Variants in LRRC28 observed in about 807,000 individuals in gnomAD.
LRRC28 encodes the protein leucine-rich repeat-containing protein 28.
LRRC28 carries 39 observed loss-of-function variants against 45.7 expected under a neutral mutation model. The ratio of observed to expected loss-of-function variants is 0.85; its 90% CI spans 0.66 to 1.12. LRRC28 has a LOEUF of 1.12. Among genes scored for constraint, LRRC28 ranks in the 50% most tolerant of loss-of-function variants. The pLI, the probability that LRRC28 is intolerant of heterozygous loss-of-function variation, is 0.00. For missense variants in LRRC28, 435 were observed against 438.5 expected, an observed-to-expected ratio of 0.99 and a Z score of 0.07; for synonymous variants, 206 against 178.8, an observed-to-expected ratio of 1.15 and a Z score of -1.22.
intron 7 of LRRC28, among the ~76,000 whole-genome samples, chr15:99,359,367 T>C (rs1442900306): frequency 6.6e-6 from 1 of 152,174 alleles, no homozygotes; most frequent in Non-Finnish European, 1.5e-5. Flanking sequence ...TTTAATTTAA[T>C]AGAAAATGAG....
chr15:99,381,880 G>C (rs1957837232), intron 9 of LRRC28, among the ~76,000 whole-genome samples: 1 of 152,226 alleles, frequency 6.6e-6, no homozygotes, highest in Admixed American at 6.5e-5. Context: ...CTGCCTGATT[G>C]TTCCTCTGGA....
chr15:99,255,737 C>A (rs755373783), intron 1 of LRRC28, among the ~76,000 whole-genome samples, 161 bp from the exon 2 acceptor site: 28 of 152,032 alleles, frequency 1.8e-4, no homozygotes, highest in African/African-American at 2.4e-5. Context: ...TAATCTCCTC[C>A]TAAATATGTG....
In LRRC28 at chr15:99,387,177, C is replaced by T. The variant is rs1221616142; in HGVS notation, c.*1075C>T. The T allele has an allele frequency of 6.8e-6, 1 of 147,014 alleles. No homozygotes were observed. The highest frequency in any genetic ancestry group is 1.5e-5 in the Non-Finnish European group (1 of 66,458). The allele number at this position is 147,014 out of a possible 1,614,324, so 9.1% of individuals were successfully genotyped here. On this transcript the variant is annotated 3_prime_UTR_variant, in exon 10 of 10. Transcript: ENST00000301981. ...CCGGGTTCACGCCATTCTCCTGCCT[C>T]AGCCTCCCAAGTAGCTGGGACCACA...
intron 2 of LRRC28, among the ~76,000 whole-genome samples, chr15:99,269,896 A>G (rs1287222637): frequency 6.6e-6 from 1 of 152,196 alleles, no homozygotes; most frequent in Non-Finnish European, 1.5e-5. Context: ...AGACAAAGGT[A>G]ATGGTAACTA....
Position 99,253,160 on chromosome 15 carries a change from G to C in LRRC28, c.-61+1619G>C, listed in dbSNP as rs146308261. 1.2e-3 allele frequency among the ~76,000 whole-genome samples: 184 copies of C among 151,428 alleles called. 1 individual carries two copies. The highest frequency in any genetic ancestry group is 2.1e-3 in the Non-Finnish European group (142 of 67,932). Reference sequence around the variant, plus strand: ...TTTTAAGACTGAGTCTCGCTCTGTCGCTCAGGTTGGAGTGCAGTGGTGCGA... The same window carrying C: ...TTTTAAGACTGAGTCTCGCTCTGTCCCTCAGGTTGGAGTGCAGTGGTGCGA... On this transcript the variant is annotated intron_variant, in intron 1 of 9. Transcript: ENST00000301981.
At chr15:99,323,458 GTTAAC>G (rs367831811) in intron 5 of LRRC28, among the ~76,000 whole-genome samples, 3 of 152,294 alleles carry the variant, frequency 2.0e-5, no homozygotes, top group Non-Finnish European at 2.9e-5. Context: ...GATAATTGCA[GTTAAC>G]TTAAGTGTGT....
At chr15:99,309,388 G>GT (rs1416696361) in intron 5 of LRRC28, among the ~76,000 whole-genome samples, 8 of 142,984 alleles carry the variant, frequency 5.6e-5, no homozygotes, top group African/African-American at 2.1e-4. Context: ...TTTGTGTGTG[G>GT]CATATAACTG....
chr15:99,362,427 G>A (rs570350312), intron 8 of LRRC28, among the ~76,000 whole-genome samples: 1 of 152,276 alleles, frequency 6.6e-6, no homozygotes, highest in Non-Finnish European at 1.5e-5. Context: ...GCATGACCAT[G>A]CCTCTTTCTG....
At chr15:99,312,893 C>T (rs1010115038) in intron 5 of LRRC28, among the ~76,000 whole-genome samples, 10 of 152,002 alleles carry the variant, frequency 6.6e-5, no homozygotes, top group Admixed American at 1.3e-4. Flanking sequence ...AGACATGAGG[C>T]GTAATTTTAA....
intron 2 of LRRC28, among the ~76,000 whole-genome samples, chr15:99,275,419 A>C (rs2081591508): frequency 6.6e-6 from 1 of 152,198 alleles, no homozygotes; most frequent in African/African-American, 2.4e-5. Flanking sequence ...CCCTTGGACC[A>C]CATGAGCTCC....
intron 9 of LRRC28, among the ~76,000 whole-genome samples, chr15:99,367,996 A>G (rs972800399): frequency 4.6e-5 from 7 of 152,136 alleles, no homozygotes; most frequent in African/African-American, 1.2e-4. Context: ...CAGTTGTCTC[A>G]TTAGCATATG....
At position 99,352,440 on chromosome 15, in the gene LRRC28, T is replaced by C; in HGVS notation, c.664T>C (p.Tyr222His). The C allele has an allele frequency of 6.2e-7, 1 of 1,614,052 alleles. No homozygotes were observed. Among genetic ancestry groups the C allele is most frequent in the Non-Finnish European group, 8.5e-7 (1 of 1,179,966 alleles). Residue 222 changes from tyrosine to histidine, a missense_variant, in exon 7 of 10, where the codon TAT (tyrosine) becomes CAT (histidine). Coordinates refer to ENST00000301981, the MANE Select transcript of LRRC28 (RefSeq NM_144598.5). ...CATTCACCTGAAAGGCTTGCCATCT[T>C]ATCTGTACAATAAAGTCATCGGGTG... is the stretch of plus-strand genomic sequence containing the variant. ...NNIHLKGLPS[Y>H]LYNKVIGCSG... is the part of the protein sequence containing the mutation.
chr15:99,259,007 G>A, intron 2 of LRRC28: 1 of 785,124 alleles, frequency 1.3e-6, no homozygotes, highest in Non-Finnish European at 2.3e-6. Flanking sequence ...GAAGAAACTT[G>A]TTCATAAAAC....
At chr15:99,296,880 T>C (rs994373793) in intron 5 of LRRC28, among the ~76,000 whole-genome samples, 4 of 152,028 alleles carry the variant, frequency 2.6e-5, no homozygotes, top group Non-Finnish European at 5.9e-5. Flanking sequence ...AAGTATTGAG[T>C]GTGTTATTGT....
chr15:99,373,967 A>G (rs1459788809), intron 9 of LRRC28, among the ~76,000 whole-genome samples: 1 of 152,170 alleles, frequency 6.6e-6, no homozygotes, highest in East Asian at 1.9e-4. Context: ...TCTATCTCTT[A>G]GTCAATAGCA....
chr15:99,291,768 A>T (rs568094714), intron 5 of LRRC28, among the ~76,000 whole-genome samples: 2 of 152,348 alleles, frequency 1.3e-5, no homozygotes, highest in South Asian at 4.1e-4. Context: ...CAAAGTGGTT[A>T]TGCCATTTTA....
intron 2 of LRRC28, among the ~76,000 whole-genome samples, chr15:99,268,262 A>G (rs2081383330): frequency 6.6e-6 from 1 of 152,206 alleles, no homozygotes. Flanking sequence ...ATAAAAGTCT[A>G]GCTTAATAGA....
chr15:99,337,885 T>C (rs756713939), intron 6 of LRRC28: 1 of 152,384 alleles, frequency 6.6e-6, no homozygotes, highest in South Asian at 2.1e-4. Context: ...AGGATGATGA[T>C]GATGATGATG....
intron 5 of LRRC28, among the ~76,000 whole-genome samples, chr15:99,294,770 T>A (rs943915389): frequency 6.6e-6 from 1 of 152,222 alleles, no homozygotes; most frequent in African/African-American, 2.4e-5. Flanking sequence ...TTTCAACATA[T>A]GAATTTAGAG....
Sources: gnomAD v4.1 joint callset for allele counts (sites outside exome capture counted in the v4.1 genomes callset) on GRCh38, gnomAD v4.1.1 for gene constraint, MANE v1.5 for transcripts, NCBI Gene and HGNC (gene_info 2026-07-23, HGNC 2026-07-21) for gene names.